Variants in SLFNL1 observed in about 807,000 individuals in gnomAD.
SLFNL1 encodes schlafen-like protein 1.
Under a neutral mutation model 32.5 loss-of-function variants are expected in SLFNL1, and 26 were observed. That is an observed-to-expected ratio of 0.80 (90% confidence interval 0.59 to 1.11). SLFNL1 has a LOEUF of 1.11. Among genes scored for constraint, SLFNL1 ranks in the 50% least tolerant of loss-of-function variants. SLFNL1 has a pLI of 0.00. For missense variants in SLFNL1, 553 were observed against 546.5 expected, an observed-to-expected ratio of 1.01 and a Z score of -0.12; for synonymous variants, 255 against 242.2, an observed-to-expected ratio of 1.05 and a Z score of -0.49.
chr1:41,015,872 C>G lies in SLFNL1; in HGVS notation c.*234G>C, dbSNP rs1129661. 0.025 allele frequency: 12,033 copies of G among 474,646 alleles called. 209 individuals are homozygous for G. The highest frequency in any genetic ancestry group is 0.037 in the Middle Eastern group (69 of 1,866). The allele number at this position is 474,646 out of a possible 1,614,324, so 29.4% of individuals were successfully genotyped here. On this transcript the variant is annotated 3_prime_UTR_variant, in exon 6 of 6. Coordinates refer to ENST00000302946, the MANE Select transcript of SLFNL1 (RefSeq NM_144990.4). ...AGCTCTGGGCAGGGTTTTACACATT[C>G]TTTCTGAAAGTAAGGTCATTTGGGG...
chr1:41,018,013 G>T lies in SLFNL1; in HGVS notation c.579C>A (p.Ser193Arg), dbSNP rs147944502. 2.5e-6 allele frequency: 4 copies of T among 1,601,966 alleles called. No individual in the cohort carries two copies. The highest frequency in any genetic ancestry group is 3.4e-6 in the Non-Finnish European group (4 of 1,175,274). Reference sequence around the variant, plus strand: ...CAATGGCACTGTCGGAGCACACGCCGCTGGGCCGGCCCTGGCAGCTCTGCA... The same window carrying T: ...CAATGGCACTGTCGGAGCACACGCCTCTGGGCCGGCCCTGGCAGCTCTGCA... ...QQLQSCQGRP[S>R]GVCSDSAIVH... The change falls in exon 4 of 6, where the codon AGC (serine) becomes AGA (arginine). Residue 193 changes from serine (S) to arginine (R), a missense_variant. Physicochemically the swap from Ser to Arg is moderately radical, Grantham distance 110. Transcript: ENST00000302946.
chr1:41,017,109 G>A lies in SLFNL1; in HGVS notation c.1101+125C>T. On this transcript the variant is annotated intron_variant, in intron 5 of 5. Transcript: ENST00000302946. This position sits in a 1 kb window ranked among gnomAD's most constrained non-coding sequence, Gnocchi z 4.9. Reference sequence around the variant, plus strand: ...TGGTGTGATTGTATTCCAACCCCTTGGGTTCAACGGGGTGATGCAGGACCC... The same window carrying A: ...TGGTGTGATTGTATTCCAACCCCTTAGGTTCAACGGGGTGATGCAGGACCC... 1 of 1,200,324 alleles carries A rather than the reference G, an allele frequency of 8.3e-7. No individual in the cohort carries two copies. Among genetic ancestry groups the A allele is most frequent in the Non-Finnish European group, 1.1e-6 (1 of 885,864 alleles). The allele number at this position is 1,200,324 out of a possible 1,614,324, so 74.4% of individuals were successfully genotyped here. A position where few individuals can be genotyped will look rare whatever the true frequency, so the allele number is the denominator to read the frequency against.
In SLFNL1 at chr1:41,017,552, C is replaced by T; in HGVS notation, c.957+83G>A. On this transcript the variant is annotated intron_variant, in intron 4 of 5. Coordinates refer to ENST00000302946, the MANE Select transcript of SLFNL1 (RefSeq NM_144990.4). The surrounding 1 kb of genome is among the most constrained non-coding windows in gnomAD (Gnocchi z 4.9). ...CCCCAGTCCCGTCCCTGCCCCAGCACTGCCTGGCAGGAGTGCAGGCCATCG... is the reference window on the plus strand; with the variant it reads ...CCCCAGTCCCGTCCCTGCCCCAGCATTGCCTGGCAGGAGTGCAGGCCATCG... 1.3e-6 allele frequency: 2 copies of T among 1,496,474 alleles called. No individual in the cohort carries two copies. The highest frequency in any genetic ancestry group is 1.8e-6 in the Non-Finnish European group (2 of 1,121,894). 92.7% of individuals were successfully genotyped at this position (1,496,474 alleles called of 1,614,324 possible).
In SLFNL1 at chr1:41,020,536, T is replaced by A. The variant is rs199832200; in HGVS notation, c.125A>T (p.Glu42Val). Residue 42 changes from glutamate to valine, a missense_variant, in exon 3 of 6, where the codon GAG (glutamate) becomes GTG (valine). By Grantham distance (121) the Glu-to-Val change is moderately radical. Transcript: ENST00000302946. Reference sequence around the variant, plus strand: ...ATAGAGAGTGTGCGCCGAGGGAGCCTCCTCGAGGTCAGAGTACTCCGTCAG... The same window carrying A: ...ATAGAGAGTGTGCGCCGAGGGAGCCACCTCGAGGTCAGAGTACTCCGTCAG... ...QSLTEYSDLE[E>V]APSAHTLYVG... 2.5e-5 allele frequency: 40 copies of A among 1,613,290 alleles called. No individual in the cohort carries two copies. Among genetic ancestry groups the A allele is most frequent in the Non-Finnish European group, 2.5e-6 (3 of 1,180,016 alleles).
In SLFNL1 at chr1:41,017,913, A is replaced by T; in HGVS notation, c.679T>A (p.Phe227Ile). The T allele has an allele frequency of 6.2e-7, 1 of 1,612,014 alleles. No homozygotes were observed. Among genetic ancestry groups the T allele is most frequent in the Non-Finnish European group, 8.5e-7 (1 of 1,179,348 alleles). ...AGGTACTCGCCGCTACCCCGCTTGA[A>T]CTCCATATTGCGGGTCTCGCTGCCC... ...FLGSETRNME[F>I]KRGSGEYLSL... The change falls in exon 4 of 6, where the codon TTC (phenylalanine) becomes ATC (isoleucine). Residue 227 changes from phenylalanine (F) to isoleucine (I), a missense_variant. Phe to Ile is a conservative substitution (Grantham distance 21). Transcript: ENST00000302946. The surrounding 1 kb of genome is among the most constrained non-coding windows in gnomAD (Gnocchi z 4.9).
rs1316277521 is a variant in SLFNL1, at chr1:41,020,618, G to A, written c.43C>T (p.Pro15Ser). Reference protein sequence around the residue: ...KRSVQTQVSEPFMESWGEESL... With the variant: ...KRSVQTQVSESFMESWGEESL... The stretch of plus-strand genomic sequence containing the variant: ...TCCTCACCCCAGGACTCCATGAAGG[G>A]CTCTGACACCTGTGTTTGCACTGAT... The change falls in exon 3 of 6, where the codon CCC becomes TCC. Residue 15 changes from proline to serine, a missense_variant. Coordinates refer to ENST00000302946, the MANE Select transcript of SLFNL1 (RefSeq NM_144990.4). 2 of 1,613,330 alleles carry A rather than the reference G, an allele frequency of 1.2e-6. No homozygotes were observed. Among genetic ancestry groups the A allele is most frequent in the Non-Finnish European group, 1.7e-6 (2 of 1,179,980 alleles).
intron 3 of SLFNL1, 119 bp from the exon 4 acceptor site, chr1:41,018,275 T>A (rs1351367636): frequency 1.0e-5 from 11 of 1,073,496 alleles, no homozygotes; most frequent in Non-Finnish European, 1.4e-5. Context: ...CTTACGGACA[T>A]CCTGATGCCC....
intron 3 of SLFNL1, 134 bp from the exon 4 acceptor site, chr1:41,018,290 C>G: frequency 1.1e-6 from 1 of 918,176 alleles, no homozygotes; most frequent in Non-Finnish European, 1.5e-6. Context: ...ATGCCCCTCA[C>G]CAGGCCGAGG....
In SLFNL1 at chr1:41,017,351, G is replaced by A. The variant is rs773455761; in HGVS notation, c.984C>T (p.Pro328=). 29 of 1,613,708 alleles carry A rather than the reference G, an allele frequency of 1.8e-5. No individual in the cohort carries two copies. The highest frequency in any genetic ancestry group is 2.5e-5 in the Non-Finnish European group (29 of 1,179,928). Reference sequence around the variant, plus strand: ...AGAGTTGCGGCTGGCTCTGGGCCTTGGGGGTGTGCACGGTCAGGCGGATCA... The same window carrying A: ...AGAGTTGCGGCTGGCTCTGGGCCTTAGGGGTGTGCACGGTCAGGCGGATCA... The part of the protein sequence containing the change: ...LKVIRLTVHT[P]KAQSQPQLYQ... The change falls in exon 5 of 6, where the codon CCC becomes CCT. Residue 328 remains proline, a synonymous_variant. Transcript: ENST00000302946. The surrounding 1 kb of genome is among the most constrained non-coding windows in gnomAD (Gnocchi z 4.9).
chr1:41,016,168 C>T lies in SLFNL1; in HGVS notation c.1162G>A (p.Glu388Lys), dbSNP rs898846613. 6.8e-6 allele frequency: 11 copies of T among 1,614,044 alleles called. No homozygotes were observed. The African/African-American group carries it at 1.2e-4, about 18-fold the overall frequency. Residue 388 changes from glutamate to lysine, a missense_variant, in exon 6 of 6, where the codon GAG becomes AAG. By Grantham distance (56) the Glu-to-Lys change is moderately conservative. Transcript: ENST00000302946. ...TGCTGCAGCTGCTGCTGGAGCTGCT[C>T]CTTCTCCATCATCAGCGCCTTCATC... ...EKMKALMMEK[E>K]QLQQQLQQHG...
At chr1:41,019,870 C>G (rs543491659) in intron 3 of SLFNL1, among the ~76,000 whole-genome samples, 1 of 152,290 alleles carries the variant, frequency 6.6e-6, no homozygotes. Context: ...AGGGGGTGTT[C>G]ATGTTTGTCA....
Position 41,018,169 on chromosome 1 carries a change from TC to T in SLFNL1, c.436-14del. On this transcript the variant is annotated splice_polypyrimidine_tract_variant and intron_variant, in intron 3 of 5. Transcript: ENST00000302946. ...CCTCCTCCTTCTCCTAGGGTGGTAGTCAAGAATGAATGTATGGGTCCAGCCA... is the reference window on the plus strand; with the variant it reads ...CCTCCTCCTTCTCCTAGGGTGGTAGTAAGAATGAATGTATGGGTCCAGCCA... 1 of 1,458,028 alleles carries T rather than the reference TC, an allele frequency of 6.9e-7. No homozygotes were observed. The highest frequency in any genetic ancestry group is 2.5e-5 in the Admixed American group (1 of 39,534). 90.3% of individuals were successfully genotyped at this position (1,458,028 alleles called of 1,614,324 possible).
chr1:41,020,831 C>T (rs1398228820), intron 2 of SLFNL1, 33 bp downstream of exon 2: 4 of 634,952 alleles, frequency 6.3e-6, no homozygotes, highest in Non-Finnish European at 1.1e-5. Flanking sequence ...AGAGGGAGGG[C>T]AGAGGGCAAG....
At position 41,020,533 on chromosome 1, in the gene SLFNL1, GCCT is replaced by G. The variant is rs1643757029; in HGVS notation, c.125_127del (p.Glu42del). On this transcript the variant is annotated inframe_deletion, in exon 3 of 6. Transcript: ENST00000302946. ...CACATAGAGAGTGTGCGCCGAGGGAGCCTCCTCGAGGTCAGAGTACTCCGTCAG... is the reference window on the plus strand; with the variant it reads ...CACATAGAGAGTGTGCGCCGAGGGAGCCTCGAGGTCAGAGTACTCCGTCAG... The G allele has an allele frequency of 1.9e-6, 3 of 1,613,550 alleles. No homozygotes were observed. The highest frequency in any genetic ancestry group is 2.5e-6 in the Non-Finnish European group (3 of 1,180,024).
chr1:41,020,930 G>T (rs564314748), intron 1 of SLFNL1, 60 bp from the exon 2 acceptor site: 39 of 447,300 alleles, frequency 8.7e-5, no homozygotes, highest in African/African-American at 6.0e-4. Flanking sequence ...TGGGAAGACG[G>T]GATCTGCCCA....
intron 3 of SLFNL1, 122 bp from the exon 4 acceptor site, chr1:41,018,278 T>A: frequency 9.5e-7 from 1 of 1,051,140 alleles, no homozygotes; most frequent in Non-Finnish European, 1.3e-6. Flanking sequence ...ACGGACATCC[T>A]GATGCCCCTC....
chr1:41,017,160 G>A lies in SLFNL1; in HGVS notation c.1101+74C>T. On this transcript the variant is annotated intron_variant, in intron 5 of 5. Coordinates refer to ENST00000302946, the MANE Select transcript of SLFNL1 (RefSeq NM_144990.4). This position sits in a 1 kb window ranked among gnomAD's most constrained non-coding sequence, Gnocchi z 4.9. Reference sequence around the variant, plus strand: ...AGGGAACCATGGTGGCTTGCCCTGGGCTGCTCAGTGGGTGGCTGAAGGGGT... The same window carrying A: ...AGGGAACCATGGTGGCTTGCCCTGGACTGCTCAGTGGGTGGCTGAAGGGGT... 3 of 1,483,076 alleles carry A rather than the reference G, an allele frequency of 2.0e-6. No individual in the cohort carries two copies. Among genetic ancestry groups the A allele is most frequent in the South Asian group, 1.3e-5 (1 of 75,486 alleles). 91.9% of individuals were successfully genotyped at this position (1,483,076 alleles called of 1,614,324 possible).
chr1:41,018,321 C>T, intron 3 of SLFNL1, 165 bp from the exon 4 acceptor site: 1 of 637,118 alleles, frequency 1.6e-6, no homozygotes, highest in Non-Finnish European at 2.5e-6. Context: ...TGCCCACCCT[C>T]CTGCAGCCGA....
chr1:41,018,654 G>A (rs1643553320), intron 3 of SLFNL1, among the ~76,000 whole-genome samples: 1 of 152,012 alleles, frequency 6.6e-6, no homozygotes, highest in African/African-American at 2.4e-5. Flanking sequence ...CTATTGACAA[G>A]TCCGCCCTAA....
Sources: gnomAD v4.1 joint callset for allele counts (sites outside exome capture counted in the v4.1 genomes callset) on GRCh38, gnomAD v4.1.1 for gene constraint, Gnocchi (gnomAD v3.1) non-coding constraint, MANE v1.5 for transcripts, NCBI Gene and HGNC (gene_info 2026-07-23, HGNC 2026-07-21) for gene names.